The following IPO5 variants were observed in gnomAD, a reference collection of about 807,000 sequenced individuals.
IPO5 encodes the protein importin 5, also known as importin-5.
IPO5 carries 18 observed loss-of-function variants against 143.3 expected under a neutral mutation model. That is an observed-to-expected ratio of 0.13 (90% confidence interval 0.09 to 0.19). The LOEUF is 0.19. Among genes scored for constraint, IPO5 ranks in the 10% least tolerant of loss-of-function variants. IPO5 has a pLI of 1.00. For missense variants in IPO5, 1,013 were observed against 1,336.9 expected, an observed-to-expected ratio of 0.76 and a Z score of 3.78; for synonymous variants, 477 against 465.7, an observed-to-expected ratio of 1.02 and a Z score of -0.31.
chr13:97,967,713 G>T (rs1443723417), intron 2 of IPO5, among the ~76,000 whole-genome samples: 1 of 151,932 alleles, frequency 6.6e-6, no homozygotes, highest in Non-Finnish European at 1.5e-5. Context: ...CTCACTGCAA[G>T]CTCCGCCTCC....
Position 98,019,809 on chromosome 13 carries a change from G to A in IPO5, c.3065G>A (p.Ser1022Asn), listed in dbSNP as rs1400317179. 2 of 1,597,566 alleles carry A rather than the reference G, an allele frequency of 1.3e-6. No homozygotes were observed. Among genetic ancestry groups the A allele is most frequent in the Admixed American group, 1.7e-5 (1 of 59,994 alleles). ...AATTATCTGTGTGACCTGATTGAAA[G>A]GTAGGAAAGCAGACTGTGACCTTAT... Reference protein sequence around the residue: ...TFNYLCDLIESNHPIVLGPNN... With the variant: ...TFNYLCDLIENNHPIVLGPNN... Residue 1022 changes from serine (S) to asparagine (N), a missense_variant and splice_region_variant, in exon 27 of 29, where the codon AGT becomes AAT. Transcript: ENST00000651721.
chr13:97,969,175 ATTTTTTTTTTTT>A (rs60300496), intron 2 of IPO5, among the ~76,000 whole-genome samples: 5 of 43,906 alleles, frequency 1.1e-4, no homozygotes, highest in African/African-American at 5.3e-4. Flanking sequence ...ATATATATAT[ATTTTTTTTTTTT>A]TTTTTTTTTT....
At chr13:97,976,293 A>G (rs1022573405) in intron 3 of IPO5, among the ~76,000 whole-genome samples, 26 of 149,930 alleles carry the variant, frequency 1.7e-4, no homozygotes, top group South Asian at 1.3e-3. Context: ...CCTCGACCTC[A>G]ACCCCGACCC....
At chr13:97,955,094 C>A (rs1309635709) in intron 2 of IPO5, among the ~76,000 whole-genome samples, 1 of 151,932 alleles carries the variant, frequency 6.6e-6, no homozygotes, top group African/African-American at 2.4e-5. Flanking sequence ...CCAGTTATGG[C>A]AGAATGCATC....
Position 97,990,055 on chromosome 13 carries a change from G to C in IPO5, c.468-71G>C, listed in dbSNP as rs1354930602. 4 of 908,628 alleles carry C rather than the reference G, an allele frequency of 4.4e-6. No individual in the cohort carries two copies. The East Asian group carries it at 1.0e-4, about 24-fold the overall frequency. 56.3% of individuals were successfully genotyped at this position (908,628 alleles called of 1,614,324 possible). On this transcript the variant is annotated intron_variant, in intron 7 of 28. Coordinates refer to ENST00000651721, the MANE Select transcript of IPO5 (RefSeq NM_002271.6). ...TCAGGTAAACAAACAGTTCATTAGA[G>C]ATTCTAGCTCATACTTTACCAAGAT...
rs1304522720 is a variant in IPO5 at position 98,022,530 on chromosome 13, A to G, written c.*708A>G. On this transcript the variant is annotated 3_prime_UTR_variant, in exon 29 of 29. Transcript: ENST00000651721. ...GTACTGTCTGGCTTGGATTCATTTC[A>G]TGTTTTTAATATAAGAATGATCTAA... 2.0e-5 allele frequency: 3 copies of G among 152,524 alleles called. No homozygotes were observed. The highest frequency in any genetic ancestry group is 2.9e-5 in the Non-Finnish European group (2 of 68,040). The allele number at this position is 152,524 out of a possible 1,614,324, so 9.4% of individuals were successfully genotyped here.
At chr13:97,977,246 T>C (rs1042306252) in intron 4 of IPO5, among the ~76,000 whole-genome samples, 5 of 152,220 alleles carry the variant, frequency 3.3e-5, no homozygotes, top group African/African-American at 1.2e-4. Flanking sequence ...CGCCTGCTTC[T>C]ACCCCTGCTC....
chr13:97,975,841 G>A, intron 3 of IPO5: 1 of 852,766 alleles, frequency 1.2e-6, no homozygotes, highest in Non-Finnish European at 1.4e-6. Context: ...GCTGGGGACG[G>A]GCGGCCTGGC....
chr13:97,999,971 C>T (rs534988689), intron 12 of IPO5, among the ~76,000 whole-genome samples: 58 of 152,096 alleles, frequency 3.8e-4, no homozygotes, highest in African/African-American at 1.3e-3. Context: ...TAGCCAGTAG[C>T]GGGTGGGGGT....
rs144954579 is a variant in IPO5 at position 98,013,455 on chromosome 13, G to A, written c.2153-587G>A. 1.2e-4 allele frequency among the ~76,000 whole-genome samples: 19 copies of A among 152,240 alleles called. 1 individual carries two copies. The South Asian group carries it at 2.5e-3, about 20-fold the overall frequency. ...CCAGATCTGTCTGACTCCAAAGCCCGTTTGTCATCATTCCTTTTACGGTAT... is the reference window on the plus strand; with the variant it reads ...CCAGATCTGTCTGACTCCAAAGCCCATTTGTCATCATTCCTTTTACGGTAT... On this transcript the variant is annotated intron_variant, in intron 21 of 28. Transcript: ENST00000651721.
chr13:97,990,265 C>T (rs368542655), intron 8 of IPO5, 43 bp downstream of exon 8: 3 of 1,404,454 alleles, frequency 2.1e-6, no homozygotes, highest in Non-Finnish European at 2.0e-6. Flanking sequence ...CTATTTTAAT[C>T]TAATTTGCGA....
Position 97,976,740 on chromosome 13 carries a change from TG to T in IPO5, c.47del (p.Gly16GlufsTer51). The T allele has an allele frequency of 7.1e-7, 1 of 1,413,296 alleles. No individual in the cohort carries two copies. The highest frequency in any genetic ancestry group is 2.0e-5 in the Admixed American group (1 of 49,664). 87.5% of individuals were successfully genotyped at this position (1,413,296 alleles called of 1,614,324 possible). ...GAGCAGCAACAGTTCTACCTGCTCC[TG>T]GGAAACCTGCTCAGCCCCGACAATG... ...AAEQQQFYLL[L>X]GNLLSPDNVV... On this transcript the variant is annotated frameshift_variant, in exon 4 of 29. Transcript: ENST00000651721. LOFTEE classifies it high-confidence loss of function.
chr13:97,990,287 AT>A, intron 8 of IPO5, 65 bp downstream of exon 8: 4 of 1,237,188 alleles, frequency 3.2e-6, no homozygotes, highest in Non-Finnish European at 4.7e-6. Flanking sequence ...AGAAATTAGT[AT>A]ATTAGGAGGT....
At chr13:97,974,302 T>A in intron 3 of IPO5, among the ~76,000 whole-genome samples, 1 of 151,596 alleles carries the variant, frequency 6.6e-6, no homozygotes. Context: ...TGTTTTTGTC[T>A]GAAATTCTTT....
intron 20 of IPO5, among the ~76,000 whole-genome samples, 159 bp from the exon 21 acceptor site, chr13:98,012,085 CTT>C (rs1889767312): frequency 6.6e-6 from 1 of 151,360 alleles, no homozygotes; most frequent in African/African-American, 2.4e-5. Flanking sequence ...TTTTAAGACT[CTT>C]TTTAGTTGGA....
At chr13:97,954,018 G>C (rs935924464) in intron 1 of IPO5, 101 bp from the exon 2 acceptor site, 24 of 401,072 alleles carry the variant, frequency 6.0e-5, no homozygotes, top group African/African-American at 4.9e-4. Context: ...CCTTAAGGAG[G>C]CATCACTTGA....
At chr13:97,974,354 T>C (rs2139580995) in intron 3 of IPO5, among the ~76,000 whole-genome samples, 1 of 151,556 alleles carries the variant, frequency 6.6e-6, no homozygotes, top group South Asian at 2.1e-4. Flanking sequence ...TCACCCAGGC[T>C]GGAGTGCAAT....
chr13:97,962,935 T>C (rs937909670), intron 2 of IPO5, among the ~76,000 whole-genome samples: 2 of 152,066 alleles, frequency 1.3e-5, no homozygotes, highest in Non-Finnish European at 2.9e-5. Flanking sequence ...CAGGTTTGAG[T>C]TGATGTTGTA....
Position 97,975,951 on chromosome 13 carries a change from C to G in IPO5, c.-4-742C>G, listed in dbSNP as rs76317112. 4,967 of 985,742 alleles carry G rather than the reference C, an allele frequency of 5.0e-3. 185 individuals carry two copies. In the African/African-American group the frequency reaches 0.078, roughly 15 times the overall value. 61.1% of individuals were successfully genotyped at this position (985,742 alleles called of 1,614,324 possible). A position where few individuals can be genotyped will look rare whatever the true frequency, so the allele number is the denominator to read the frequency against. ...GAAGGGGCGCCCTGAGTCCACAGCC[C>G]TGGGGGAGGTCGGAGGGTCTGAAAG... On this transcript the variant is annotated intron_variant, in intron 3 of 28. Coordinates refer to ENST00000651721, the MANE Select transcript of IPO5 (RefSeq NM_002271.6).
Sources: allele counts gnomAD v4.1 joint callset (sites outside exome capture counted in the v4.1 genomes callset), GRCh38; gene constraint gnomAD v4.1.1; transcripts MANE v1.5; gene names NCBI Gene and HGNC (gene_info 2026-07-23, HGNC 2026-07-21).